CRIP3: variants seen among roughly 807,000 people sequenced by gnomAD.
The protein encoded by CRIP3 is cysteine-rich protein 3.
CRIP3 carries 23 observed loss-of-function variants against 30.3 expected under a neutral mutation model. The ratio of observed to expected loss-of-function variants is 0.76; its 90% CI spans 0.55 to 1.08. The LOEUF is 1.08. Among genes scored for constraint, CRIP3 ranks in the 50% least tolerant of loss-of-function variants. The pLI, the probability that CRIP3 is intolerant of heterozygous loss-of-function variation, is 0.00. For missense variants in CRIP3, 261 were observed against 259.3 expected, an observed-to-expected ratio of 1.01 and a Z score of -0.04; for synonymous variants, 89 against 97.6, an observed-to-expected ratio of 0.91 and a Z score of 0.52.
chr6:43,308,625 G>C lies in CRIP3; in HGVS notation c.43+125C>G, dbSNP rs921914366. The stretch of plus-strand genomic sequence containing the variant: ...CCCGAGTGGGAGCGGGTGGTGCGGA[G>C]ACTACCAGCCGCTGCAGGTGAAAAG... On this transcript the variant is annotated intron_variant, in intron 1 of 7. Transcript: ENST00000372569. The C allele has an allele frequency of 6.6e-6, 8 of 1,220,112 alleles. No homozygotes were observed. In the East Asian group the frequency reaches 7.2e-5, roughly 11 times the overall value. The allele number at this position is 1,220,112 out of a possible 1,614,324, so 75.6% of individuals were successfully genotyped here.
Position 43,308,819 on chromosome 6 carries a change from CA to C in CRIP3, c.-28del, listed in dbSNP as rs1167833187. 3.1e-6 allele frequency: 5 copies of C among 1,613,754 alleles called. No individual in the cohort carries two copies. In the South Asian group the frequency reaches 5.5e-5, roughly 18 times the overall value. On this transcript the variant is annotated 5_prime_UTR_variant, in exon 1 of 8. Coordinates refer to ENST00000372569, the MANE Select transcript of CRIP3 (RefSeq NM_206922.3). Reference sequence around the variant, plus strand: ...GCTCCGCTCCAGGCAGCGCACGCGGCACACAGTAGGTACGCCGCTGCGGCTC... The same window carrying C: ...GCTCCGCTCCAGGCAGCGCACGCGGCCACAGTAGGTACGCCGCTGCGGCTC...
chr6:43,307,947 C>T (rs1353837135), intron 2 of CRIP3, 51 bp from the exon 3 acceptor site: 1 of 1,594,342 alleles, frequency 6.3e-7, no homozygotes, highest in Non-Finnish European at 8.6e-7. Flanking sequence ...GGGAGCCATG[C>T]CCCACAGGCC....
Position 43,306,097 on chromosome 6 carries a change from G to T in CRIP3, c.523C>A (p.Pro175Thr). Reference sequence around the variant, plus strand: ...GGGCCAAACAGGTAGCCGTAGCAGGGGACGTGGCAGTAGGGGACTCCATCA... The same window carrying T: ...GGGCCAAACAGGTAGCCGTAGCAGGTGACGTGGCAGTAGGGGACTCCATCA... ...EHDGVPYCHV[P>T]CYGYLFGPKG... The change falls in exon 7 of 8, where the codon CCC becomes ACC. Residue 175 changes from proline (P) to threonine (T), a missense_variant. Pro to Thr is a conservative substitution (Grantham distance 38). Transcript: ENST00000372569. 6.2e-7 allele frequency: 1 copy of T among 1,613,930 alleles called. No homozygotes were observed. The highest frequency in any genetic ancestry group is 8.5e-7 in the Non-Finnish European group (1 of 1,179,940).
At chr6:43,306,857 G>T in intron 4 of CRIP3, 2 of 245,882 alleles carry the variant, frequency 8.1e-6, no homozygotes, top group Non-Finnish European at 1.6e-5. Flanking sequence ...CAGGTGTTGG[G>T]GAGCACAGTG....
intron 2 of CRIP3, 39 bp from the exon 3 acceptor site, chr6:43,307,935 G>T (rs1373110234): frequency 6.2e-7 from 1 of 1,609,716 alleles, no homozygotes; most frequent in African/African-American, 1.3e-5. Flanking sequence ...CTCAAGGCCA[G>T]CGGGAGCCAT....
intron 4 of CRIP3, chr6:43,307,132 CTTTTTTTTTTTTT>C (rs57187463): frequency 3.7e-5 from 2 of 54,384 alleles, no homozygotes; most frequent in African/African-American, 7.1e-5. Context: ...CAATTAACCT[CTTTTTTTTTTTTT>C]TTTTTTTTTT....
intron 4 of CRIP3, 128 bp downstream of exon 4, chr6:43,307,484 T>A: frequency 1.1e-6 from 1 of 924,276 alleles, no homozygotes; most frequent in South Asian, 3.8e-5. Context: ...AGAGAAGACT[T>A]TGCCAAGAAT....
At chr6:43,308,071 GAGCAAGAGC>G (rs1778984401) in intron 2 of CRIP3, among the ~76,000 whole-genome samples, 175 bp from the exon 3 acceptor site, 1 of 152,154 alleles carries the variant, frequency 6.6e-6, no homozygotes, top group Non-Finnish European at 1.5e-5. Flanking sequence ...AAGGGAGGAA[GAGCAAGAGC>G]AGCTCAGAAG....
Position 43,308,817 on chromosome 6 carries a change from G to T in CRIP3, c.-25C>A, listed in dbSNP as rs966145841. On this transcript the variant is annotated 5_prime_UTR_variant, in exon 1 of 8. Coordinates refer to ENST00000372569, the MANE Select transcript of CRIP3 (RefSeq NM_206922.3). ...TAGCTCCGCTCCAGGCAGCGCACGC[G>T]GCACACAGTAGGTACGCCGCTGCGG... 1.2e-6 allele frequency: 2 copies of T among 1,613,684 alleles called. No homozygotes were observed. The highest frequency in any genetic ancestry group is 2.2e-5 in the East Asian group (1 of 44,882).
At chr6:43,306,706 G>C in intron 4 of CRIP3, 189 bp from the exon 5 acceptor site, 1 of 575,478 alleles carries the variant, frequency 1.7e-6, no homozygotes, top group Non-Finnish European at 3.1e-6. Context: ...CCATCCCTAT[G>C]TGTATTAGGG....
chr6:43,308,817 GGCACACAGTAGGTACGCCGCT>G (rs776933619), exon 1 of CRIP3: 1 of 1,613,802 alleles, frequency 6.2e-7, no homozygotes, highest in Non-Finnish European at 8.5e-7. Context: ...CAGCGCACGC[GGCACACAGTAGGTACGCCGCT>G]GCGGCTCAGT....
In CRIP3 at chr6:43,308,814, C is replaced by G. The variant is rs147937972; in HGVS notation, c.-22G>C. ...TCATAGCTCCGCTCCAGGCAGCGCA[C>G]GCGGCACACAGTAGGTACGCCGCTG... is the stretch of plus-strand genomic sequence containing the variant. On this transcript the variant is annotated 5_prime_UTR_variant, in exon 1 of 8. Transcript: ENST00000372569. 6.2e-7 allele frequency: 1 copy of G among 1,613,784 alleles called. No homozygotes were observed. Among genetic ancestry groups the G allele is most frequent in the Non-Finnish European group, 8.5e-7 (1 of 1,179,980 alleles).
intron 2 of CRIP3, 31 bp from the exon 3 acceptor site, chr6:43,307,927 C>T: frequency 3.1e-6 from 5 of 1,612,052 alleles, no homozygotes; most frequent in Middle Eastern, 3.4e-4. Context: ...GTGGGTTACT[C>T]AAGGCCAGCG....
chr6:43,306,804 A>G, intron 4 of CRIP3: 1 of 363,894 alleles, frequency 2.7e-6, no homozygotes, highest in Non-Finnish European at 5.0e-6. Context: ...CTCAATCCTC[A>G]GGAAACTTGA....
intron 2 of CRIP3, 91 bp from the exon 3 acceptor site, chr6:43,307,987 T>C: frequency 1.4e-6 from 2 of 1,402,268 alleles, no homozygotes; most frequent in Non-Finnish European, 1.0e-6. Flanking sequence ...CAGGTGTGTC[T>C]GTCCACTGGC....
chr6:43,306,893 G>A lies in CRIP3; in HGVS notation c.329-376C>T, dbSNP rs1046478053. The A allele has an allele frequency of 3.0e-4, 60 of 196,970 alleles. 1 individual carries two copies. Among genetic ancestry groups the A allele is most frequent in the Middle Eastern group, 3.7e-3 (2 of 538 alleles). The allele number at this position is 196,970 out of a possible 1,614,324, so 12.2% of individuals were successfully genotyped here. A position where few individuals can be genotyped will look rare whatever the true frequency, so the allele number is the denominator to read the frequency against. Reference sequence around the variant, plus strand: ...TCATTGCCTACTTCAGGGAATGGAGGGAAAGAACAGGGACCAGAGGAGAAA... The same window carrying A: ...TCATTGCCTACTTCAGGGAATGGAGAGAAAGAACAGGGACCAGAGGAGAAA... On this transcript the variant is annotated intron_variant, in intron 4 of 7. Transcript: ENST00000372569.
Position 43,306,103 on chromosome 6 carries a change from G to T in CRIP3, c.517C>A (p.His173Asn). 6.2e-7 allele frequency: 1 copy of T among 1,613,984 alleles called. No individual in the cohort carries two copies. Among genetic ancestry groups the T allele is most frequent in the African/African-American group, 1.3e-5 (1 of 75,010 alleles). The stretch of plus-strand genomic sequence containing the variant: ...AACAGGTAGCCGTAGCAGGGGACGT[G>T]GCAGTAGGGGACTCCATCATGCTGA... Reference protein sequence around the residue: ...HAEHDGVPYCHVPCYGYLFGP... With the variant: ...HAEHDGVPYCNVPCYGYLFGP... The change falls in exon 7 of 8, where the codon CAC becomes AAC. Residue 173 changes from histidine (H) to asparagine (N), a missense_variant. His to Asn is a moderately conservative substitution (Grantham distance 68). Transcript: ENST00000372569.
chr6:43,307,567 G>C, intron 4 of CRIP3, 45 bp downstream of exon 4: 1 of 1,379,986 alleles, frequency 7.2e-7, no homozygotes, highest in Middle Eastern at 2.7e-4. Context: ...TCCAGCTTGG[G>C]GAAGGGTCGG....
Position 43,306,530 on chromosome 6 carries a change from A to C in CRIP3, c.329-13T>G, listed in dbSNP as rs186103918. 14 of 1,592,808 alleles carry C rather than the reference A, an allele frequency of 8.8e-6. No individual in the cohort carries two copies. The East Asian group carries it at 3.1e-4, about 36-fold the overall frequency. Reference sequence around the variant, plus strand: ...ATATGGGGAGGGCCTTTAAAGGGGAAGAGGCCCTGGCTATGTCTGAGGTGG... The same window carrying C: ...ATATGGGGAGGGCCTTTAAAGGGGACGAGGCCCTGGCTATGTCTGAGGTGG... On this transcript the variant is annotated splice_polypyrimidine_tract_variant and intron_variant, in intron 4 of 7. Coordinates refer to ENST00000372569, the MANE Select transcript of CRIP3 (RefSeq NM_206922.3).
Sources: gnomAD v4.1 joint callset for allele counts (sites outside exome capture counted in the v4.1 genomes callset) on GRCh38, gnomAD v4.1.1 for gene constraint, MANE v1.5 for transcripts, NCBI Gene and HGNC (gene_info 2026-07-23, HGNC 2026-07-21) for gene names.